CACNA1S: variants seen among roughly 807,000 people sequenced by gnomAD.
CACNA1S encodes the protein calcium voltage-gated channel subunit alpha1 S.
A neutral mutation model predicts 207.4 loss-of-function variants in CACNA1S; 126 were observed. The ratio of observed to expected loss-of-function variants is 0.61; its 90% CI spans 0.53 to 0.70. The LOEUF (loss-of-function observed/expected upper bound fraction) is 0.70. CACNA1S is among the 30% of genes least tolerant of loss of function. The pLI is 0.00. For missense variants in CACNA1S, 2,349 were observed against 2,422.8 expected (o/e 0.97, Z 0.64); for synonymous variants, 960 against 932.7 (o/e 1.03, Z -0.53).
rs575134797 is a variant in CACNA1S at position 201,085,026 on chromosome 1, G to A, written c.1156C>T (p.Leu386=). The stretch of plus-strand genomic sequence containing the variant: ...TCAGAGCCACCTTCATCCAAAGACA[G>A]TTTTCCTGGAGACAGGAGAGAAAGA... ...MDVEDFREGK[L]SLDEGGSDTE... is the part of the protein sequence containing the mutation. Residue 386 remains leucine, a synonymous_variant, in exon 9 of 44, where the codon CTG becomes TTG. Transcript: ENST00000362061. 1.9e-6 allele frequency: 3 copies of A among 1,610,072 alleles called. No homozygotes were observed. The highest frequency in any genetic ancestry group is 2.7e-5 in the African/African-American group (2 of 75,020).
intron 2 of CACNA1S, among the ~76,000 whole-genome samples, chr1:201,106,364 TGAGA>T (rs1662886032): frequency 6.6e-6 from 1 of 151,994 alleles, no homozygotes. Flanking sequence ...ACATGGGGCC[TGAGA>T]GATTTTTCTA....
At chr1:201,097,240 A>G (rs1275565777) in intron 2 of CACNA1S, among the ~76,000 whole-genome samples, 2 of 151,922 alleles carry the variant, frequency 1.3e-5, no homozygotes, top group Non-Finnish European at 2.9e-5. Context: ...TTCTCCATAC[A>G]GACCCGGCTA....
intron 10 of CACNA1S, among the ~76,000 whole-genome samples, chr1:201,078,530 A>AC (rs1417602433): frequency 1.3e-5 from 2 of 151,880 alleles, no homozygotes; most frequent in Non-Finnish European, 2.9e-5. Flanking sequence ...AAAAAAAAAA[A>AC]AAAAAAAAAC....
intron 25 of CACNA1S, 69 bp from the exon 26 acceptor site, chr1:201,060,885 T>A (rs934124276): frequency 1.3e-6 from 2 of 1,593,582 alleles, no homozygotes; most frequent in South Asian, 2.2e-5. Context: ...CCCACATCCA[T>A]GGGATTGACG....
chr1:201,083,429 C>A lies in CACNA1S; in HGVS notation c.1233-107G>T, dbSNP rs564615264. 3.6e-6 allele frequency: 4 copies of A among 1,125,534 alleles called. No individual in the cohort carries two copies. The African/African-American group carries it at 4.5e-5, about 13-fold the overall frequency. 69.7% of individuals were successfully genotyped at this position (1,125,534 alleles called of 1,614,324 possible). A position where few individuals can be genotyped will look rare whatever the true frequency, so the allele number is the denominator to read the frequency against. On this transcript the variant is annotated intron_variant, in intron 9 of 43. Coordinates refer to ENST00000362061, the MANE Select transcript of CACNA1S (RefSeq NM_000069.3). ...AGGCATGCGTAGCCTGACCACCCCA[C>A]TTCCGCCAGCCACATGAGAGAAGCT...
At chr1:201,051,958 C>A (rs369665271) in intron 32 of CACNA1S, among the ~76,000 whole-genome samples, 5 of 152,308 alleles carry the variant, frequency 3.3e-5, no homozygotes, top group African/African-American at 1.2e-4. Flanking sequence ...GCCTTTGACA[C>A]GCTGTGCCAA....
At position 201,112,371 on chromosome 1, in the gene CACNA1S, C is replaced by G. The variant is rs778120332; in HGVS notation, c.-32G>C. 5 of 1,613,386 alleles carry G rather than the reference C, an allele frequency of 3.1e-6. No homozygotes were observed. In the African/African-American group the frequency reaches 6.7e-5, roughly 22 times the overall value. On this transcript the variant is annotated 5_prime_UTR_variant, in exon 1 of 44. Transcript: ENST00000362061. ...CCTGGGAATCTGGCTTTCTCCTGCT[C>G]CCCCACCCCAGTGCTTTCCCTTCCC...
intron 2 of CACNA1S, among the ~76,000 whole-genome samples, chr1:201,107,424 C>T (rs564361754): frequency 1.3e-5 from 2 of 152,186 alleles, no homozygotes; most frequent in Non-Finnish European, 2.9e-5. Context: ...ATTTTAACTA[C>T]CTGTTTAATT....
intron 33 of CACNA1S, among the ~76,000 whole-genome samples, 162 bp downstream of exon 33, chr1:201,050,822 A>C (rs189288593): frequency 6.6e-6 from 1 of 152,014 alleles, no homozygotes; most frequent in African/African-American, 2.4e-5. Flanking sequence ...ACAAAGCCAC[A>C]CTCAGGATGA....
At chr1:201,089,760 T>G (rs557585122) in intron 5 of CACNA1S, among the ~76,000 whole-genome samples, 382 of 152,202 alleles carry the variant, frequency 2.5e-3, no homozygotes, top group Non-Finnish European at 4.5e-3. Context: ...GTAATCTGAG[T>G]GTCATTTGTC....
intron 40 of CACNA1S, among the ~76,000 whole-genome samples, chr1:201,042,679 T>C (rs2102545602): frequency 6.6e-6 from 1 of 152,300 alleles, no homozygotes; most frequent in South Asian, 2.1e-4. Context: ...TTGTTCTGCT[T>C]ATTCCTGAGG....
At chr1:201,062,925 C>A (rs1661115897) in intron 22 of CACNA1S, among the ~76,000 whole-genome samples, 1 of 152,242 alleles carries the variant, frequency 6.6e-6, no homozygotes, top group Non-Finnish European at 1.5e-5. Context: ...CTTCTGTGGT[C>A]TCCCATTATG....
chr1:201,047,597 T>C lies in CACNA1S; in HGVS notation c.4471A>G (p.Arg1491Gly), dbSNP rs1386325735. The C allele has an allele frequency of 6.2e-7, 1 of 1,614,188 alleles. No individual in the cohort carries two copies. The highest frequency in any genetic ancestry group is 8.5e-7 in the Non-Finnish European group (1 of 1,180,028). ...TTCCAGATCTTCTTGATGATGGCCC[T>C]CAGCTCCTCGTTGGCCTGCTCAAAG... ...GNFEQANEEL[R>G]AIIKKIWKRT... Residue 1491 changes from arginine to glycine, a missense_variant, in exon 37 of 44, where the codon AGG (arginine) becomes GGG (glycine). Transcript: ENST00000362061.
chr1:201,074,746 T>G, intron 13 of CACNA1S, 126 bp from the exon 14 acceptor site: 1 of 726,234 alleles, frequency 1.4e-6, no homozygotes, highest in Non-Finnish European at 2.5e-6. Flanking sequence ...TGGGAAGGTG[T>G]GGATCCAGGG....
Position 201,085,526 on chromosome 1 carries a change from G to A in CACNA1S, c.1060C>T (p.Arg354Trp), listed in dbSNP as rs751247956. The A allele has an allele frequency of 9.9e-6, 16 of 1,613,166 alleles. No homozygotes were observed. The highest frequency in any genetic ancestry group is 2.2e-5 in the East Asian group (1 of 44,854). ...TCCTCATCTAGTTGCTGCTTCTCCC[G>A]GAGCTTCTGGAAGGTTCCCCTGGAC... Reference protein sequence around the residue: ...AKSRGTFQKLREKQQLDEDLR... With the variant: ...AKSRGTFQKLWEKQQLDEDLR... Residue 354 changes from arginine (R) to tryptophan (W), a missense_variant, in exon 8 of 44, where the codon CGG (arginine) becomes TGG (tryptophan). Physicochemically the swap from Arg to Trp is moderately radical, Grantham distance 101 (BLOSUM62 -3). Coordinates refer to ENST00000362061, the MANE Select transcript of CACNA1S (RefSeq NM_000069.3).
At chr1:201,075,344 A>T in intron 13 of CACNA1S, 151 bp downstream of exon 13, 1 of 793,252 alleles carries the variant, frequency 1.3e-6, no homozygotes, top group Non-Finnish European at 2.1e-6. Flanking sequence ...TGCATTTGCT[A>T]TGTCCTACCC....
intron 19 of CACNA1S, 93 bp from the exon 20 acceptor site, chr1:201,067,086 C>T: frequency 2.4e-6 from 2 of 816,868 alleles, no homozygotes; most frequent in Non-Finnish European, 4.2e-6. Context: ...CTCAGGAGAG[C>T]ACTTACTGAG....
Position 201,043,319 on chromosome 1 carries a change from A to G in CACNA1S, c.5010T>C (p.Tyr1670=), listed in dbSNP as rs1220958579. 8.1e-6 allele frequency: 13 copies of G among 1,614,112 alleles called. No individual in the cohort carries two copies. In the Admixed American group the frequency reaches 1.0e-4, roughly 12 times the overall value. The change falls in exon 40 of 44, where the codon TAT becomes TAC. Residue 1670 remains tyrosine (Y), a synonymous_variant. Coordinates refer to ENST00000362061, the MANE Select transcript of CACNA1S (RefSeq NM_000069.3). ...NTNNANANVA[Y]GNSNHSNSHV... is the part of the protein sequence containing the mutation. Reference sequence around the variant, plus strand: ...GGCTGTTGCTATGGTTGCTGTTGCCATAGGCGACATTGGCGTTGGCATTGT... The same window carrying G: ...GGCTGTTGCTATGGTTGCTGTTGCCGTAGGCGACATTGGCGTTGGCATTGT...
At chr1:201,056,082 C>CACACAT (rs1553249522) in intron 28 of CACNA1S, among the ~76,000 whole-genome samples, 2 of 150,480 alleles carry the variant, frequency 1.3e-5, no homozygotes, top group African/African-American at 2.4e-5. Flanking sequence ...CACACACACA[C>CACACAT]ACACACACAC....
Sources: gnomAD v4.1 joint callset for allele counts (sites outside exome capture counted in the v4.1 genomes callset) on GRCh38, gnomAD v4.1.1 for gene constraint, MANE v1.5 for transcripts, NCBI Gene and HGNC (gene_info 2026-07-23, HGNC 2026-07-21) for gene names.